Variants in FHL1 observed in about 807,000 individuals in gnomAD.
The protein encoded by FHL1 is four and a half LIM domains protein 1.
Under a neutral mutation model 20.3 loss-of-function variants are expected in FHL1, and 1 was observed. That is an observed-to-expected ratio of 0.05 (90% CI 0.02 to 0.23). FHL1 has a LOEUF of 0.23. FHL1 is among the 10% of genes least tolerant of loss of function. FHL1 has a pLI of 1.00. For synonymous variants in FHL1, 82 were observed against 88.9 expected (o/e 0.92, Z 0.44); for missense variants, 177 against 234.0 (o/e 0.76, Z 1.59).
At chrX:136,155,045 T>A (rs745664932) in intron 1 of FHL1, among the ~76,000 whole-genome samples, 115 of 112,518 alleles carry the variant, frequency 1.0e-3, no homozygotes, top group African/African-American at 3.5e-3. Context: ...TATTTAGCTT[T>A]CTTCCCCCTC....
At chrX:136,158,419 G>A (rs1233290604) in intron 1 of FHL1, among the ~76,000 whole-genome samples, 1 of 111,759 alleles carries the variant, frequency 8.9e-6, no homozygotes, top group African/African-American at 3.2e-5. Flanking sequence ...ACTTCGGCAT[G>A]CGTCGTCTCC....
upstream of FHL1, chrX:136,146,969 C>T (rs1311911898): frequency 3.1e-6 from 1 of 326,018 alleles, no homozygotes; most frequent in East Asian, 9.8e-5. Context: ...GAGGCCGAAA[C>T]GGCGTGGGCC....
At chrX:136,173,949 C>T (rs1048763848) in intron 2 of FHL1, among the ~76,000 whole-genome samples, 1 of 111,494 alleles carries the variant, frequency 9.0e-6, no homozygotes, top group African/African-American at 3.3e-5. Flanking sequence ...CCGCCCACTT[C>T]GGCCTCCCAA....
In FHL1 at chrX:136,210,847, G is replaced by A; in HGVS notation, c.*822G>A. On this transcript the variant is annotated 3_prime_UTR_variant, in exon 6 of 6. Coordinates refer to ENST00000370683, the MANE Select transcript of FHL1 (RefSeq NM_001159699.2). ...TTTTGTTTTAATTGATAGCAAAATAGTTTATGGGTTTGGAAACTTGCATGA... is the reference window on the plus strand; with the variant it reads ...TTTTGTTTTAATTGATAGCAAAATAATTTATGGGTTTGGAAACTTGCATGA... 2 of 385,077 alleles carry A rather than the reference G, an allele frequency of 5.2e-6. No individual in the cohort carries two copies. The highest frequency in any genetic ancestry group is 9.8e-6 in the Non-Finnish European group (2 of 204,291). The allele number at this position is 385,077 out of a possible 1,213,427, so 31.7% of individuals were successfully genotyped here. A position where few individuals can be genotyped will look rare whatever the true frequency, so the allele number is the denominator to read the frequency against.
At chrX:136,148,776 T>G (rs755951864) in intron 1 of FHL1, 2 of 112,539 alleles carry the variant, frequency 1.8e-5, no homozygotes, top group South Asian at 7.4e-4. Flanking sequence ...AACCCCATAC[T>G]AGGGAGATCC....
At chrX:136,184,646 C>G (rs924734057) in intron 2 of FHL1, among the ~76,000 whole-genome samples, 1 of 111,225 alleles carries the variant, frequency 9.0e-6, no homozygotes, top group African/African-American at 3.3e-5. Context: ...CCAGTCTTTT[C>G]ACAAAGACCT....
chrX:136,178,254 T>C (rs1174486546), intron 2 of FHL1, among the ~76,000 whole-genome samples: 1 of 112,074 alleles, frequency 8.9e-6, no homozygotes, highest in Non-Finnish European at 1.9e-5. Flanking sequence ...TATTTCATTA[T>C]TGATATTTCA....
upstream of FHL1, among the ~76,000 whole-genome samples, chrX:136,167,480 C>T (rs1313735552): frequency 2.7e-5 from 3 of 111,351 alleles, no homozygotes; most frequent in East Asian, 8.4e-4. Context: ...GCTGGGATTA[C>T]AGGTGCCAGC....
chrX:136,160,948 C>T (rs2072548798), intron 1 of FHL1, among the ~76,000 whole-genome samples: 1 of 111,782 alleles, frequency 8.9e-6, no homozygotes, highest in Admixed American at 9.5e-5. Flanking sequence ...TAGTGAGCTA[C>T]TGCCACTGGA....
chrX:136,196,663 T>A, upstream of FHL1: 6 of 462,561 alleles, frequency 1.3e-5, no homozygotes, highest in Non-Finnish European at 2.2e-5. Context: ...CTCTTAGAGT[T>A]ACTTTTATCA....
At chrX:136,169,762 TTAACTC>T (rs1173362133) in intron 1 of FHL1, 3 of 328,551 alleles carry the variant, frequency 9.1e-6, no homozygotes, top group East Asian at 9.7e-5. Flanking sequence ...CAGTTTTCCT[TTAACTC>T]TAAGGGTTGT....
At chrX:136,195,717 G>A (rs188680369), upstream of FHL1, among the ~76,000 whole-genome samples, 12 of 111,972 alleles carry the variant, frequency 1.1e-4, no homozygotes, top group Non-Finnish European at 1.9e-4. Context: ...TATTCATGGA[G>A]CATTTACTGC....
intron 2 of FHL1, among the ~76,000 whole-genome samples, chrX:136,174,885 T>G (rs2072961566): frequency 9.0e-6 from 1 of 111,452 alleles, no homozygotes; most frequent in African/African-American, 3.3e-5. Context: ...CCACAGAAAA[T>G]AGGATAATTA....
At chrX:136,167,379 A>AT (rs1437933460), upstream of FHL1, among the ~76,000 whole-genome samples, 1 of 109,348 alleles carries the variant, frequency 9.1e-6, no homozygotes, top group African/African-American at 3.3e-5. Flanking sequence ...TAATTTTTGT[A>AT]TTTTTTTGGT....
At chrX:136,207,559 G>A (rs1171398564) in intron 3 of FHL1, 2 of 437,857 alleles carry the variant, frequency 4.6e-6, no homozygotes, top group Non-Finnish European at 8.0e-6. Flanking sequence ...GTGGGGGAGT[G>A]GGGGATTCAG....
chrX:136,184,243 A>G (rs1405235636), intron 2 of FHL1, among the ~76,000 whole-genome samples: 6 of 111,585 alleles, frequency 5.4e-5, no homozygotes, highest in Non-Finnish European at 1.1e-4. Flanking sequence ...CCTTATTTTA[A>G]TTTTTCCGAA....
At chrX:136,189,349 G>T (rs1192730133) in intron 2 of FHL1, among the ~76,000 whole-genome samples, 1 of 111,796 alleles carries the variant, frequency 8.9e-6, no homozygotes, top group Non-Finnish European at 1.9e-5. Context: ...CCACTGGGCT[G>T]TCAAGCTGCT....
chrX:136,177,135 T>C (rs1364129892), intron 2 of FHL1, among the ~76,000 whole-genome samples: 7 of 111,823 alleles, frequency 6.3e-5, no homozygotes, highest in Admixed American at 3.8e-4. Flanking sequence ...GAACCTTTTG[T>C]CAGAATACCA....
chrX:136,171,381 G>A (rs770446039), intron 2 of FHL1, among the ~76,000 whole-genome samples: 2 of 111,829 alleles, frequency 1.8e-5, no homozygotes, highest in Non-Finnish European at 3.8e-5. Flanking sequence ...CTCCTCTAAG[G>A]GTGAACCCTA....
Sources: allele counts gnomAD v4.1 joint callset (sites outside exome capture counted in the v4.1 genomes callset), GRCh38; gene constraint gnomAD v4.1.1; transcripts MANE v1.5; gene names NCBI Gene and HGNC (gene_info 2026-07-23, HGNC 2026-07-21).